The following PCDH10 variants were observed in gnomAD, a reference collection of about 807,000 sequenced individuals.
PCDH10 encodes protocadherin-10.
Under a neutral mutation model 74.4 loss-of-function variants are expected in PCDH10, and 15 were observed. The observed-to-expected ratio is 0.20, with a 90% CI of 0.13 to 0.31. The LOEUF is 0.31. PCDH10 is among the 10% of genes least tolerant of loss of function. The pLI is 1.00. For missense variants in PCDH10, 1,260 were observed against 1,390.2 expected (o/e 0.91, Z 1.49); for synonymous variants, 619 against 589.8 (o/e 1.05, Z -0.72).
exon 3 of PCDH10, chr4:133,208,338 C>T (rs990858726): frequency 1.3e-5 from 2 of 152,152 alleles, no homozygotes; most frequent in Non-Finnish European, 2.9e-5. Flanking sequence ...GGGTATATTG[C>T]CATGTGGCAA....
At position 133,150,523 on chromosome 4, in the gene PCDH10, C is replaced by G. The variant is rs149125153; in HGVS notation, c.383C>G (p.Thr128Arg). Residue 128 changes from threonine to arginine, a missense_variant, in exon 1 of 5, where the codon ACG becomes AGG. Thr to Arg is a moderately conservative substitution (Grantham distance 71). Coordinates refer to ENST00000264360, the MANE Select transcript of PCDH10 (RefSeq NM_032961.3). ...NPPSFPEPDL[T>R]VEISESATPG... ...CCCTCTTTCCCGGAGCCAGACCTGA[C>G]GGTGGAAATCTCTGAGAGCGCCACG... The G allele has an allele frequency of 1.9e-5, 31 of 1,613,596 alleles. No homozygotes were observed. The highest frequency in any genetic ancestry group is 1.6e-4 in the Middle Eastern group (1 of 6,082).
intron 3 of PCDH10, among the ~76,000 whole-genome samples, chr4:133,159,133 A>G (rs1387372296): frequency 2.6e-5 from 4 of 151,942 alleles, no homozygotes; most frequent in African/African-American, 9.7e-5. Flanking sequence ...TCATATTTGG[A>G]AAAAAATAAA....
At chr4:133,166,190 T>C (rs1727077114) in intron 4 of PCDH10, among the ~76,000 whole-genome samples, 1 of 151,604 alleles carries the variant, frequency 6.6e-6, no homozygotes, top group Admixed American at 6.6e-5. Flanking sequence ...TAAATAAATT[T>C]AAACAGGTAG....
intron 3 of PCDH10, among the ~76,000 whole-genome samples, chr4:133,155,706 G>A (rs1243628951): frequency 6.6e-6 from 1 of 152,138 alleles, no homozygotes; most frequent in African/African-American, 2.4e-5. Flanking sequence ...TTGTGGGCTT[G>A]ATGGTAGTCA....
rs1047218805 is a variant in PCDH10 at position 133,191,946 on chromosome 4, C to A, written c.*1786C>A. On this transcript the variant is annotated 3_prime_UTR_variant, in exon 5 of 5. Transcript: ENST00000264360. ...AGTGGAAATTTTTCCCTAGATTTAA[C>A]TTTAAAATACATATATATACACACA... The A allele has an allele frequency of 1.6e-5, 2 of 122,072 alleles. No individual in the cohort carries two copies. Among genetic ancestry groups the A allele is most frequent in the Non-Finnish European group, 3.4e-5 (2 of 58,222 alleles). The allele number at this position is 122,072 out of a possible 1,614,324, so 7.6% of individuals were successfully genotyped here. A position where few individuals can be genotyped will look rare whatever the true frequency, so the allele number is the denominator to read the frequency against.
chr4:133,159,025 C>A (rs760828582), intron 3 of PCDH10, among the ~76,000 whole-genome samples: 26 of 151,840 alleles, frequency 1.7e-4, no homozygotes, highest in Non-Finnish European at 3.2e-4. Context: ...AAACATACTG[C>A]AATTTTTGTG....
At chr4:133,202,008 A>G (rs1659204668) in intron 2 of PCDH10, among the ~76,000 whole-genome samples, 1 of 152,114 alleles carries the variant, frequency 6.6e-6, no homozygotes, top group Non-Finnish European at 1.5e-5. Context: ...GGCAGCACAT[A>G]ATATTGGGCC....
Position 133,163,081 on chromosome 4 carries a change from G to A in PCDH10, c.2902G>A (p.Asp968Asn). ...CCCTTCTGATGGACGCCAGGCTGCTGATTATCGCAGCAATCTGCATGTTCC... is the reference window on the plus strand; with the variant it reads ...CCCTTCTGATGGACGCCAGGCTGCTAATTATCGCAGCAATCTGCATGTTCC... ...FVPSDGRQAA[D>N]YRSNLHVPGM... is the part of the protein sequence containing the mutation. The change falls in exon 4 of 5, where the codon GAT becomes AAT. Residue 968 changes from aspartate (D) to asparagine (N), a missense_variant. Around this residue, in one of 11 missense-constraint regions of PCDH10, gnomAD observed 136 missense variants for 149.3 expected, o/e 0.91. Transcript: ENST00000264360. The A allele has an allele frequency of 1.2e-6, 2 of 1,614,176 alleles. No individual in the cohort carries two copies. The highest frequency in any genetic ancestry group is 1.7e-6 in the Non-Finnish European group (2 of 1,180,022).
chr4:133,184,473 A>G (rs910871047), intron 4 of PCDH10, among the ~76,000 whole-genome samples: 3 of 151,524 alleles, frequency 2.0e-5, no homozygotes, highest in Admixed American at 6.6e-5. Context: ...AACTACAAAA[A>G]TTAGCCTGGC....
downstream of PCDH10, among the ~76,000 whole-genome samples, chr4:133,195,924 G>A (rs985882715): frequency 6.6e-6 from 1 of 152,026 alleles, no homozygotes; most frequent in African/African-American, 2.4e-5. Context: ...CATATGATCT[G>A]TTTTTCAAAT....
chr4:133,183,449 A>G (rs530039982), intron 4 of PCDH10, among the ~76,000 whole-genome samples: 1 of 152,118 alleles, frequency 6.6e-6, no homozygotes, highest in South Asian at 2.1e-4. Flanking sequence ...TCACTTTGTC[A>G]TACAAAGCTA....
At chr4:133,188,679 T>TG (rs1281419405) in intron 4 of PCDH10, among the ~76,000 whole-genome samples, 1 of 141,578 alleles carries the variant, frequency 7.1e-6, no homozygotes, top group Admixed American at 7.1e-5. Context: ...TTTTTTTTTT[T>TG]TTTTTTTTTT....
intron 4 of PCDH10, among the ~76,000 whole-genome samples, chr4:133,167,981 CTACTTATTTTAAAAATAT>C (rs1369199684): frequency 2.8e-4 from 42 of 151,130 alleles, no homozygotes; most frequent in African/African-American, 8.9e-4. Context: ...ATATTTTATG[CTACTTATTTTAAAAATAT>C]TACTTATTTT....
intron 2 of PCDH10, among the ~76,000 whole-genome samples, chr4:133,207,186 G>A (rs1000051863): frequency 6.6e-5 from 10 of 151,680 alleles, no homozygotes; most frequent in Non-Finnish European, 1.5e-4. Flanking sequence ...TTAGAATAGC[G>A]ATTATTTATT....
downstream of PCDH10, among the ~76,000 whole-genome samples, chr4:133,199,103 G>A (rs1229547285): frequency 6.6e-6 from 1 of 151,668 alleles, no homozygotes; most frequent in African/African-American, 2.4e-5. Flanking sequence ...GTAACATGGA[G>A]AGACCCTGTC....
At chr4:133,164,950 CATAT>C (rs1560708554) in intron 4 of PCDH10, among the ~76,000 whole-genome samples, 1 of 147,308 alleles carries the variant, frequency 6.8e-6, no homozygotes, top group Non-Finnish European at 1.5e-5. Flanking sequence ...TATATATATT[CATAT>C]ATATACACAT....
In PCDH10 at chr4:133,151,262, C is replaced by T. The variant is rs1172511258; in HGVS notation, c.1122C>T (p.Gly374=). Reference sequence around the variant, plus strand: ...CGGTGAGTGAGGGCGCGGCGCCCGGCACTGTGGTGGCCCTTTTCAGCGTGA... The same window carrying T: ...CGGTGAGTGAGGGCGCGGCGCCCGGTACTGTGGTGGCCCTTTTCAGCGTGA... The part of the protein sequence containing the change: ...KEAVSEGAAP[G]TVVALFSVTD... Residue 374 remains glycine, a synonymous_variant, in exon 1 of 5, where the codon GGC becomes GGT. Transcript: ENST00000264360. 2.1e-5 allele frequency: 34 copies of T among 1,613,976 alleles called. No homozygotes were observed. The highest frequency in any genetic ancestry group is 2.8e-5 in the Non-Finnish European group (33 of 1,180,032).
chr4:133,184,801 T>C (rs1381859836), intron 4 of PCDH10, among the ~76,000 whole-genome samples: 5 of 141,652 alleles, frequency 3.5e-5, no homozygotes, highest in South Asian at 2.1e-4. Context: ...TATATTTATA[T>C]ATATATATTT....
chr4:133,198,709 G>A (rs1281392867), downstream of PCDH10, among the ~76,000 whole-genome samples: 2 of 152,118 alleles, frequency 1.3e-5, no homozygotes, highest in Non-Finnish European at 2.9e-5. Context: ...TGTAATACTG[G>A]CATAGCTTTT....
Sources: allele counts gnomAD v4.1 joint callset (sites outside exome capture counted in the v4.1 genomes callset), GRCh38; gene constraint gnomAD v4.1.1; regional missense constraint gnomAD v4.1.1; transcripts MANE v1.5; gene names NCBI Gene and HGNC (gene_info 2026-07-23, HGNC 2026-07-21).